Variants in MPRIP observed in about 807,000 individuals in gnomAD.
MPRIP encodes the protein myosin phosphatase Rho-interacting protein.
A neutral mutation model predicts 234.9 loss-of-function variants in MPRIP; 59 were observed. The observed-to-expected ratio is 0.25, with a 90% CI of 0.20 to 0.31. The LOEUF (loss-of-function observed/expected upper bound fraction) is 0.31, where lower values mean the gene tolerates loss of function less well. Among genes scored for constraint, MPRIP ranks in the 10% least tolerant of loss-of-function variants. The pLI is 1.00. For synonymous variants in MPRIP, 1,144 were observed against 1,263.9 expected (o/e 0.91, Z 2.01); for missense variants, 2,436 against 3,071.0 (o/e 0.79, Z 4.89).
chr17:17,128,216 C>T lies in MPRIP; in HGVS notation c.419+1363C>T, dbSNP rs534847569. On this transcript the variant is annotated intron_variant, in intron 4 of 23. Coordinates refer to ENST00000651222, the MANE Select transcript of MPRIP (RefSeq NM_001364716.4). The stretch of plus-strand genomic sequence containing the variant: ...GGCTTCCTCTGCCCAGGTGGCTTCC[C>T]TAGGAAACCCTCACCCTTTCCACAG... Among the ~76,000 whole-genome samples the T allele has an allele frequency of 5.9e-5, 9 of 152,140 alleles. No individual in the cohort carries two copies. The South Asian group carries it at 1.9e-3, about 31-fold the overall frequency.
chr17:17,138,828 C>T lies in MPRIP; in HGVS notation c.1250+399C>T, dbSNP rs949546850. 1.2e-4 allele frequency among the ~76,000 whole-genome samples: 18 copies of T among 152,276 alleles called. No individual in the cohort carries two copies. The East Asian group carries it at 3.5e-3, about 29-fold the overall frequency. ...TACATGTGGTGACAGAGGCGCTCCTCACCCTGGCAGTCCCAGGGTGGGCAA... is the reference window on the plus strand; with the variant it reads ...TACATGTGGTGACAGAGGCGCTCCTTACCCTGGCAGTCCCAGGGTGGGCAA... On this transcript the variant is annotated intron_variant, in intron 7 of 23. Transcript: ENST00000651222. This position sits in a 1 kb window ranked among gnomAD's most constrained non-coding sequence, Gnocchi z 5.8.
chr17:17,173,782 C>T (rs1383415262), intron 18 of MPRIP, 134 bp from the exon 19 acceptor site: 5 of 1,032,996 alleles, frequency 4.8e-6, no homozygotes, highest in East Asian at 2.5e-5. Flanking sequence ...CTCTGTATGA[C>T]CCAGGCTGAT....
At chr17:17,095,663 G>A (rs1036984067) in intron 3 of MPRIP, among the ~76,000 whole-genome samples, 2 of 151,914 alleles carry the variant, frequency 1.3e-5, no homozygotes, top group Non-Finnish European at 2.9e-5. Context: ...GACTCTAGGG[G>A]CCCTCCTAGG....
chr17:17,124,024 G>T (rs745956994), intron 3 of MPRIP, among the ~76,000 whole-genome samples: 1 of 152,292 alleles, frequency 6.6e-6, no homozygotes, highest in South Asian at 2.1e-4. Flanking sequence ...GCTCAGCTTG[G>T]TATGTTTTTG....
chr17:17,130,584 C>A (rs912463242), intron 4 of MPRIP, among the ~76,000 whole-genome samples: 1 of 152,052 alleles, frequency 6.6e-6, no homozygotes. Flanking sequence ...CAGACCCCCC[C>A]ATCCCCAACC....
intron 3 of MPRIP, among the ~76,000 whole-genome samples, chr17:17,113,888 T>TC (rs1240006830): frequency 2.1e-5 from 3 of 142,696 alleles, no homozygotes; most frequent in Non-Finnish European, 3.1e-5. Flanking sequence ...TTCTTTTCTT[T>TC]TTTTTTTTTT....
At chr17:17,084,953 C>T (rs1317072353) in intron 3 of MPRIP, among the ~76,000 whole-genome samples, 2 of 152,154 alleles carry the variant, frequency 1.3e-5, no homozygotes, top group African/African-American at 2.4e-5. Flanking sequence ...GCCTGGAGGC[C>T]CTTCATGTTT....
intron 12 of MPRIP, among the ~76,000 whole-genome samples, chr17:17,153,798 A>G (rs771079807): frequency 1.8e-4 from 28 of 152,034 alleles, no homozygotes; most frequent in African/African-American, 6.5e-4. Flanking sequence ...AGTGCCACCA[A>G]CAAGACCCTG....
chr17:17,152,164 A>G (rs1293323908), intron 12 of MPRIP, among the ~76,000 whole-genome samples: 1 of 152,244 alleles, frequency 6.6e-6, no homozygotes, highest in Non-Finnish European at 1.5e-5. Context: ...TGGAGGCTAC[A>G]CTGACAGCCT....
chr17:17,146,919 G>A (rs1408765538), intron 10 of MPRIP, among the ~76,000 whole-genome samples: 2 of 152,246 alleles, frequency 1.3e-5, no homozygotes, highest in Non-Finnish European at 2.9e-5. Flanking sequence ...CATGGCTTGC[G>A]GGCTGCCACC....
At chr17:17,057,630 T>C (rs765301469) in intron 1 of MPRIP, 4 of 718,118 alleles carry the variant, frequency 5.6e-6, no homozygotes, top group South Asian at 4.4e-5. Flanking sequence ...TTTATTTCTT[T>C]GGCAGCAAAA....
chr17:17,158,223 C>A lies in MPRIP; in HGVS notation c.1830-209C>A, dbSNP rs1402501965. Among the ~76,000 whole-genome samples, 11 of 152,330 alleles carry A rather than the reference C, an allele frequency of 7.2e-5. 1 individual carries two copies. In the Middle Eastern group the frequency reaches 0.017, roughly 236 times the overall value. On this transcript the variant is annotated intron_variant, in intron 13 of 23. Coordinates refer to ENST00000651222, the MANE Select transcript of MPRIP (RefSeq NM_001364716.4). ...CCCCTTCCCCTCCCCGTCCCCCTCCCCCTCCCCCACTCAGAACCAGTTTGG... is the reference window on the plus strand; with the variant it reads ...CCCCTTCCCCTCCCCGTCCCCCTCCACCTCCCCCACTCAGAACCAGTTTGG...
At chr17:17,143,747 T>C in intron 9 of MPRIP, 78 bp downstream of exon 9, 1 of 923,222 alleles carries the variant, frequency 1.1e-6, no homozygotes, top group Non-Finnish European at 1.6e-6. Flanking sequence ...TGTTTCTGTC[T>C]ATGCGTCCAT....
At chr17:17,075,400 T>C (rs2089304308) in intron 1 of MPRIP, among the ~76,000 whole-genome samples, 1 of 150,986 alleles carries the variant, frequency 6.6e-6, no homozygotes, top group African/African-American at 2.5e-5. Context: ...TTGAATAACA[T>C]GTCATTTTTT....
chr17:17,052,614 G>A (rs2088575668), intron 1 of MPRIP, among the ~76,000 whole-genome samples: 1 of 152,210 alleles, frequency 6.6e-6, no homozygotes, highest in African/African-American at 2.4e-5. Context: ...CAGGAACAGG[G>A]CCTTGCCCCA....
intron 1 of MPRIP, among the ~76,000 whole-genome samples, chr17:17,073,283 A>T (rs1474681637): frequency 6.6e-6 from 1 of 152,018 alleles, no homozygotes; most frequent in Non-Finnish European, 1.5e-5. Flanking sequence ...GGTGATCCAT[A>T]TCAGGAAGTC....
intron 4 of MPRIP, among the ~76,000 whole-genome samples, chr17:17,130,037 C>T (rs993676107): frequency 6.6e-6 from 1 of 152,234 alleles, no homozygotes; most frequent in South Asian, 2.1e-4. Flanking sequence ...GCCTGCCTGT[C>T]TGCTGGCTTT....
chr17:17,156,169 C>G (rs1159895965), intron 13 of MPRIP, among the ~76,000 whole-genome samples: 2 of 152,198 alleles, frequency 1.3e-5, no homozygotes, highest in African/African-American at 4.8e-5. Context: ...TGGGATGTCC[C>G]AGGGCAGATG....
chr17:17,083,041 C>G (rs572511219), intron 3 of MPRIP, among the ~76,000 whole-genome samples: 1 of 152,326 alleles, frequency 6.6e-6, no homozygotes, highest in South Asian at 2.1e-4. Context: ...CCTTCTGTGG[C>G]AGGCATGGTG....
Sources: gnomAD v4.1 joint callset for allele counts (sites outside exome capture counted in the v4.1 genomes callset) on GRCh38, gnomAD v4.1.1 for gene constraint, Gnocchi (gnomAD v3.1) non-coding constraint, MANE v1.5 for transcripts, NCBI Gene and HGNC (gene_info 2026-07-23, HGNC 2026-07-21) for gene names.